The following UNC5D variants were observed in gnomAD, a reference collection of about 807,000 sequenced individuals.
The protein encoded by UNC5D is netrin receptor UNC5D.
UNC5D carries 39 observed loss-of-function variants against 105.4 expected under a neutral mutation model. The observed-to-expected ratio is 0.37, with a 90% confidence interval of 0.29 to 0.48. The LOEUF is 0.48. Among genes scored for constraint, UNC5D ranks in the 20% least tolerant of loss-of-function variants. The pLI is 0.98. For missense variants in UNC5D, 991 were observed against 1,202.4 expected (o/e 0.82, Z 2.60); for synonymous variants, 452 against 450.4 (o/e 1.00, Z -0.04).
At chr8:35,274,633 TAAC>T (rs1263711764) in intron 1 of UNC5D, among the ~76,000 whole-genome samples, 1 of 152,168 alleles carries the variant, frequency 6.6e-6, no homozygotes, top group Non-Finnish European at 1.5e-5. Context: ...CAGACTTGGA[TAAC>T]AACATCAATT....
intron 1 of UNC5D, among the ~76,000 whole-genome samples, chr8:35,536,121 G>C (rs1204488076): frequency 7.2e-5 from 11 of 152,128 alleles, no homozygotes; most frequent in African/African-American, 2.7e-4. Flanking sequence ...ATACAACTTG[G>C]TATAAATCTG....
chr8:35,280,750 C>A (rs183464764), intron 1 of UNC5D, among the ~76,000 whole-genome samples: 7 of 152,222 alleles, frequency 4.6e-5, no homozygotes, highest in African/African-American at 1.7e-4. Context: ...ACCAGTTTAG[C>A]CTTAGTTTTC....
At chr8:35,549,624 T>C (rs1815956732) in intron 2 of UNC5D, 114 bp downstream of exon 2, 2 of 937,440 alleles carry the variant, frequency 2.1e-6, no homozygotes, top group Non-Finnish European at 3.2e-6. Flanking sequence ...AATGAGGTCA[T>C]AGTTACATCA....
At chr8:35,269,122 G>A (rs1490673949) in intron 1 of UNC5D, among the ~76,000 whole-genome samples, 1 of 152,150 alleles carries the variant, frequency 6.6e-6, no homozygotes, top group Non-Finnish European at 1.5e-5. Context: ...ACACTGATTT[G>A]ATCTTTACAA....
intron 4 of UNC5D, among the ~76,000 whole-genome samples, chr8:35,621,614 C>T (rs750415730): frequency 2.0e-5 from 3 of 152,120 alleles, no homozygotes; most frequent in Non-Finnish European, 2.9e-5. Context: ...TCATTGTCTA[C>T]ACTCTGCCAT....
At chr8:35,652,975 G>C (rs1285463202) in intron 4 of UNC5D, among the ~76,000 whole-genome samples, 1 of 142,076 alleles carries the variant, frequency 7.0e-6, no homozygotes, top group East Asian at 2.0e-4. Context: ...TGCCAGGCAG[G>C]CTGCAGTGCA....
At chr8:35,411,173 C>G (rs2128957787) in intron 1 of UNC5D, among the ~76,000 whole-genome samples, 1 of 152,036 alleles carries the variant, frequency 6.6e-6, no homozygotes, top group Non-Finnish European at 1.5e-5. Flanking sequence ...TAGCGACGAC[C>G]CATGGCTCCA....
At chr8:35,591,816 A>T (rs758758947) in intron 3 of UNC5D, among the ~76,000 whole-genome samples, 1 of 152,222 alleles carries the variant, frequency 6.6e-6, no homozygotes, top group Non-Finnish European at 1.5e-5. Context: ...CAAGGAAAAC[A>T]GATGTAGAAC....
At chr8:35,271,524 T>C in intron 1 of UNC5D, among the ~76,000 whole-genome samples, 1 of 144,970 alleles carries the variant, frequency 6.9e-6, no homozygotes, top group East Asian at 2.1e-4. Context: ...CATATATGTA[T>C]ACAGGTATAT....
intron 4 of UNC5D, among the ~76,000 whole-genome samples, chr8:35,606,589 C>T (rs761292001): frequency 1.3e-5 from 2 of 152,144 alleles, no homozygotes; most frequent in African/African-American, 2.4e-5. Context: ...CCTCTCCCCT[C>T]GAGTAGACCC....
chr8:35,377,302 A>G (rs1802757767), intron 1 of UNC5D, among the ~76,000 whole-genome samples: 1 of 152,082 alleles, frequency 6.6e-6, no homozygotes, highest in Non-Finnish European at 1.5e-5. Context: ...CTTTGGAGTG[A>G]CTGTTGTCTT....
At chr8:35,681,100 C>T (rs953255847) in intron 4 of UNC5D, among the ~76,000 whole-genome samples, 1 of 152,054 alleles carries the variant, frequency 6.6e-6, no homozygotes, top group African/African-American at 2.4e-5. Context: ...AGTGTTACAC[C>T]TTAACATTAA....
chr8:35,459,647 C>T (rs903379657), intron 1 of UNC5D, among the ~76,000 whole-genome samples: 1 of 152,176 alleles, frequency 6.6e-6, no homozygotes, highest in Non-Finnish European at 1.5e-5. Flanking sequence ...CTGTCACCAT[C>T]ACCAATGCAT....
intron 1 of UNC5D, chr8:35,544,246 C>A (rs1217664821): frequency 4.4e-5 from 39 of 885,814 alleles, no homozygotes; most frequent in Admixed American, 9.2e-5. Context: ...ATTCCTTAGC[C>A]TACCAAGGCT....
intron 11 of UNC5D, among the ~76,000 whole-genome samples, chr8:35,736,065 T>A (rs931986419): frequency 6.6e-6 from 1 of 152,166 alleles, no homozygotes; most frequent in Non-Finnish European, 1.5e-5. Context: ...CTCAGTAAAA[T>A]ATGAAACTGT....
intron 3 of UNC5D, among the ~76,000 whole-genome samples, chr8:35,583,646 A>G (rs1342965058): frequency 6.6e-6 from 1 of 152,162 alleles, no homozygotes; most frequent in African/African-American, 2.4e-5. Context: ...CTTTTGGTGG[A>G]ACATGATGTA....
At chr8:35,463,928 G>A (rs577819672) in intron 1 of UNC5D, among the ~76,000 whole-genome samples, 4 of 152,282 alleles carry the variant, frequency 2.6e-5, no homozygotes, top group African/African-American at 9.6e-5. Flanking sequence ...CTTAAAAAGT[G>A]GGCGGTAGAA....
chr8:35,380,979 G>A (rs1272379379), intron 1 of UNC5D, among the ~76,000 whole-genome samples: 23 of 151,912 alleles, frequency 1.5e-4, no homozygotes, highest in Admixed American at 1.3e-3. Flanking sequence ...AAAAGGGAAC[G>A]GTATTGTTTT....
chr8:35,764,866 G>C (rs1437318097), intron 14 of UNC5D, among the ~76,000 whole-genome samples: 1 of 152,146 alleles, frequency 6.6e-6, no homozygotes, highest in Admixed American at 6.5e-5. Context: ...ACTCACATCT[G>C]TTTCTAAAAT....
Sources: gnomAD v4.1 joint callset for allele counts (sites outside exome capture counted in the v4.1 genomes callset) on GRCh38, gnomAD v4.1.1 for gene constraint, MANE v1.5 for transcripts, NCBI Gene and HGNC (gene_info 2026-07-23, HGNC 2026-07-21) for gene names.